CEACAM4: variants seen among roughly 807,000 people sequenced by gnomAD.
CEACAM4 encodes cell adhesion molecule CEACAM4.
CEACAM4 carries 30 observed loss-of-function variants against 28.7 expected under a neutral mutation model. The observed-to-expected ratio is 1.05, with a 90% CI of 0.78 to 1.42. CEACAM4 has a LOEUF of 1.42. Ranked by LOEUF, CEACAM4 falls within the 40% of genes most tolerant of loss-of-function variation. CEACAM4 has a pLI of 0.00. For synonymous variants in CEACAM4, 143 were observed against 126.5 expected, an observed-to-expected ratio of 1.13 and a Z score of -0.87; for missense variants, 330 against 308.2, an observed-to-expected ratio of 1.07 and a Z score of -0.53.
downstream of CEACAM4, among the ~76,000 whole-genome samples, chr19:41,618,576 C>A (rs1555799557): frequency 6.6e-6 from 1 of 152,108 alleles, no homozygotes; most frequent in Non-Finnish European, 1.5e-5. Context: ...GACTGGGCCT[C>A]CAGGGCCTGG....
At chr19:41,620,411 A>T (rs1555800772) in intron 4 of CEACAM4, among the ~76,000 whole-genome samples, 164 bp downstream of exon 4, 1 of 152,140 alleles carries the variant, frequency 6.6e-6, no homozygotes, top group African/African-American at 2.4e-5. Flanking sequence ...CAGAGCCCAC[A>T]GATCAGTCTG....
chr19:41,623,886 C>T (rs2071473367), intron 2 of CEACAM4, among the ~76,000 whole-genome samples: 1 of 152,098 alleles, frequency 6.6e-6, no homozygotes, highest in African/African-American at 2.4e-5. Context: ...GGTAGAGCTC[C>T]AGGGTGTAAG....
chr19:41,624,153 AAGAG>A (rs1555802866), intron 2 of CEACAM4, among the ~76,000 whole-genome samples: 1 of 151,850 alleles, frequency 6.6e-6, no homozygotes. Context: ...CCTCCTTCAT[AAGAG>A]AACTACAGAG....
Position 41,619,184 on chromosome 19 carries a change from ACTCCCATCC to A in CEACAM4, c.*137_*145del. ...CAGGGTCTCCAGATATTCAGCAGGG[ACTCCCATCC>A]CTCCCTGTCCCCAGGCCTGTGTCTC... On this transcript the variant is annotated 3_prime_UTR_variant, in exon 7 of 7. Coordinates refer to ENST00000221954, the MANE Select transcript of CEACAM4 (RefSeq NM_001817.4). The A allele has an allele frequency of 2.9e-6, 2 of 688,110 alleles. No individual in the cohort carries two copies. Among genetic ancestry groups the A allele is most frequent in the Non-Finnish European group, 5.1e-6 (2 of 391,662 alleles). 42.6% of individuals were successfully genotyped at this position (688,110 alleles called of 1,614,324 possible). A position where few individuals can be genotyped will look rare whatever the true frequency, so the allele number is the denominator to read the frequency against.
chr19:41,626,360 C>T (rs2071663263), intron 1 of CEACAM4, among the ~76,000 whole-genome samples: 1 of 152,176 alleles, frequency 6.6e-6, no homozygotes, highest in Non-Finnish European at 1.5e-5. Context: ...CAGCACCTGA[C>T]CTCACATTCT....
At chr19:41,624,470 T>A (rs1025035379) in intron 2 of CEACAM4, among the ~76,000 whole-genome samples, 1 of 152,328 alleles carries the variant, frequency 6.6e-6, no homozygotes, top group Admixed American at 6.5e-5. Flanking sequence ...CAGCACTGAC[T>A]GATTGTTGAG....
rs145155274 is a variant in CEACAM4, at chr19:41,623,094, G to A, written c.425-1326C>T. 7.5e-3 allele frequency among the ~76,000 whole-genome samples: 1,149 copies of A among 152,236 alleles called. 10 individuals carry two copies. The highest frequency in any genetic ancestry group is 0.026 in the African/African-American group (1,064 of 41,530). ...TGCAGTGGCACAATCTAGGCTCACC[G>A]CAACCTCCGCTTCACAGGTTCAAGC... On this transcript the variant is annotated intron_variant, in intron 2 of 6. Coordinates refer to ENST00000221954, the MANE Select transcript of CEACAM4 (RefSeq NM_001817.4).
intron 1 of CEACAM4, 101 bp from the exon 2 acceptor site, chr19:41,626,061 GGAGTGTGTGTGTGTGTGT>G: frequency 1.4e-6 from 1 of 700,240 alleles, no homozygotes; most frequent in Non-Finnish European, 2.2e-6. Flanking sequence ...CCTCAGCCTT[GGAGTGTGTGTGTGTGTGT>G]GTGTGTGTGT....
At chr19:41,618,596 G>A (rs1301162365), downstream of CEACAM4, among the ~76,000 whole-genome samples, 3 of 152,144 alleles carry the variant, frequency 2.0e-5, no homozygotes, top group Non-Finnish European at 4.4e-5. Flanking sequence ...GGTGAAGAGG[G>A]CAGCAGGGGT....
intron 4 of CEACAM4, 83 bp downstream of exon 4, chr19:41,620,492 A>G (rs1424930365): frequency 2.3e-5 from 28 of 1,215,292 alleles, no homozygotes; most frequent in Non-Finnish European, 3.0e-5. Flanking sequence ...AAAGGGTCAG[A>G]GGCCCCCAGG....
At chr19:41,625,283 G>A (rs1053804344) in intron 2 of CEACAM4, among the ~76,000 whole-genome samples, 1 of 152,160 alleles carries the variant, frequency 6.6e-6, no homozygotes, top group East Asian at 1.9e-4. Context: ...ACGCCCTCAG[G>A]CCAGGCCCTG....
In CEACAM4 at chr19:41,619,093, A is replaced by G. The variant is rs1290366707; in HGVS notation, c.*237T>C. On this transcript the variant is annotated 3_prime_UTR_variant, in exon 7 of 7. Coordinates refer to ENST00000221954, the MANE Select transcript of CEACAM4 (RefSeq NM_001817.4). ...CACAGGCCCATTCACTTTCCTTGCA[A>G]GCCCCCGCTTCCTGTGGTGATGAGA... The G allele has an allele frequency of 3.8e-6, 2 of 530,912 alleles. No homozygotes were observed. The highest frequency in any genetic ancestry group is 6.9e-5 in the Admixed American group (2 of 29,164). The allele number at this position is 530,912 out of a possible 1,614,324, so 32.9% of individuals were successfully genotyped here.
chr19:41,617,890 C>T (rs782309535), downstream of CEACAM4, among the ~76,000 whole-genome samples: 5 of 149,974 alleles, frequency 3.3e-5, no homozygotes, highest in Non-Finnish European at 6.0e-5. Flanking sequence ...TCTCATCTGA[C>T]GCTGTGTGCA....
chr19:41,614,896 G>A (rs1169315547), downstream of CEACAM4, among the ~76,000 whole-genome samples: 3 of 139,390 alleles, frequency 2.2e-5, no homozygotes, highest in East Asian at 7.3e-4. Context: ...GCTTTATAGG[G>A]AAGGGAAGGG....
chr19:41,622,901 T>G (rs1254625225), intron 2 of CEACAM4, among the ~76,000 whole-genome samples: 4 of 135,756 alleles, frequency 2.9e-5, no homozygotes, highest in East Asian at 2.5e-4. Flanking sequence ...TAGATAGATA[T>G]AGTAGCTGTT....
downstream of CEACAM4, among the ~76,000 whole-genome samples, chr19:41,614,345 T>C (rs1397577290): frequency 2.6e-5 from 4 of 152,238 alleles, no homozygotes; most frequent in African/African-American, 9.6e-5. Flanking sequence ...CAGGCAAGCT[T>C]GGCCTTCTCA....
intron 3 of CEACAM4, 27 bp from the exon 4 acceptor site, chr19:41,620,654 G>A: frequency 1.2e-6 from 2 of 1,603,208 alleles, no homozygotes; most frequent in Non-Finnish European, 1.7e-6. Flanking sequence ...TTATTCATGA[G>A]GGTGCAGGGA....
intron 1 of CEACAM4, 61 bp from the exon 2 acceptor site, chr19:41,626,021 G>A (rs1234446483): frequency 1.3e-6 from 2 of 1,516,422 alleles, no homozygotes; most frequent in Non-Finnish European, 1.8e-6. Context: ...GGAAAGATAA[G>A]GCCCTGGGTC....
chr19:41,626,061 GGAGTGTGTGT>G (rs2071630911), intron 1 of CEACAM4, 101 bp from the exon 2 acceptor site: 5 of 700,128 alleles, frequency 7.1e-6, no homozygotes, highest in Non-Finnish European at 1.1e-5. Context: ...CCTCAGCCTT[GGAGTGTGTGT>G]GTGTGTGTGT....
Sources: allele counts gnomAD v4.1 joint callset (sites outside exome capture counted in the v4.1 genomes callset), GRCh38; gene constraint gnomAD v4.1.1; transcripts MANE v1.5; gene names NCBI Gene and HGNC (gene_info 2026-07-23, HGNC 2026-07-21).